The following REP15 variants were observed in gnomAD, a reference collection of about 807,000 sequenced individuals.
The protein encoded by REP15 is RAB15 effector protein.
In REP15, 1 loss-of-function variant was observed where a neutral mutation model predicts 1.1. The observed-to-expected ratio is 0.89, with a 90% CI of 0.32 to 4.24. The LOEUF is 4.24. REP15 is among the 30% of genes most tolerant of loss of function. The pLI is 0.17. For synonymous variants in REP15, 100 were observed against 99.7 expected (o/e 1.00, Z -0.02); for missense variants, 246 against 271.9 (o/e 0.90, Z 0.67).
chr12:27,697,349 C>A lies in REP15; in HGVS notation c.*76C>A. ...TCTAATAAGCAAGCTCACCTATTTGCATCATTCCAGCATGGGATTTTTTTT... is the reference window on the plus strand; with the variant it reads ...TCTAATAAGCAAGCTCACCTATTTGAATCATTCCAGCATGGGATTTTTTTT... On this transcript the variant is annotated 3_prime_UTR_variant, in exon 1 of 1. Coordinates refer to ENST00000310791, the MANE Select transcript of REP15 (RefSeq NM_001029874.3). 2 of 862,974 alleles carry A rather than the reference C, an allele frequency of 2.3e-6. No individual in the cohort carries two copies. The highest frequency in any genetic ancestry group is 3.7e-6 in the Non-Finnish European group (2 of 545,586). The allele number at this position is 862,974 out of a possible 1,614,324, so 53.5% of individuals were successfully genotyped here.
rs777655196 is a variant in REP15, at chr12:27,696,946, T to A, written c.384T>A (p.Leu128=). ...CTGTGGAATCTAAGCCTTGTGACCT[T>A]TCCAATCCAGAATCAAGGGTAGAGG... is the stretch of plus-strand genomic sequence containing the variant. ...PPPVESKPCD[L]SNPESRVEES... is the part of the protein sequence containing the mutation. The change falls in exon 1 of 1, where the codon CTT becomes CTA. Residue 128 remains leucine, a synonymous_variant. Coordinates refer to ENST00000310791, the MANE Select transcript of REP15 (RefSeq NM_001029874.3). 2.5e-6 allele frequency: 4 copies of A among 1,614,196 alleles called. No individual in the cohort carries two copies. Among genetic ancestry groups the A allele is most frequent in the Non-Finnish European group, 3.4e-6 (4 of 1,180,024 alleles).
rs1345410570 is a variant in REP15, at chr12:27,697,127, A to C, written c.565A>C (p.Arg189=). 1 of 1,613,820 alleles carries C rather than the reference A, an allele frequency of 6.2e-7. No homozygotes were observed. The highest frequency in any genetic ancestry group is 2.2e-5 in the East Asian group (1 of 44,894). ...VLDSVKSQMV[R]SHLPGGKAVA... ...GGACAGTGTCAAAAGTCAGATGGTG[A>C]GGAGCCATCTGCCAGGAGGGAAGGC... Residue 189 remains arginine, a synonymous_variant, in exon 1 of 1, where the codon AGG becomes CGG. Transcript: ENST00000310791.
In REP15 at chr12:27,696,545, T is replaced by C; in HGVS notation, c.-18T>C. 6.4e-7 allele frequency: 1 copy of C among 1,573,942 alleles called. No homozygotes were observed. Among genetic ancestry groups the C allele is most frequent in the Non-Finnish European group, 8.7e-7 (1 of 1,150,918 alleles). ...GTCTGAACCAGATTCACATGTTTGA[T>C]ATTTGGATGCAGAGAAAATGGGGCA... is the stretch of plus-strand genomic sequence containing the variant. On this transcript the variant is annotated 5_prime_UTR_variant, in exon 1 of 1. Transcript: ENST00000310791.
chr12:27,696,850 C>CT lies in REP15; in HGVS notation c.292dup (p.Trp98LeufsTer27), dbSNP rs755091811. On this transcript the variant is annotated frameshift_variant, in exon 1 of 1. Coordinates refer to ENST00000310791, the MANE Select transcript of REP15 (RefSeq NM_001029874.3). LOFTEE classifies it low-confidence loss of function (END_TRUNC). ...TGTTTGGTGCAGACTGGATTTGGACCTTTTGGGGATCCAACAAGCAAATAA... is the reference window on the plus strand; with the variant it reads ...TGTTTGGTGCAGACTGGATTTGGACCTTTTTGGGGATCCAACAAGCAAATAA... 6.2e-7 allele frequency: 1 copy of CT among 1,614,018 alleles called. No homozygotes were observed. The highest frequency in any genetic ancestry group is 1.1e-5 in the South Asian group (1 of 91,072).
chr12:27,696,734 ATCT>A lies in REP15; in HGVS notation c.177_179del (p.Phe59del), dbSNP rs758634910. The A allele has an allele frequency of 5.0e-6, 8 of 1,614,062 alleles. No homozygotes were observed. The highest frequency in any genetic ancestry group is 6.8e-6 in the Non-Finnish European group (8 of 1,180,048). On this transcript the variant is annotated inframe_deletion, in exon 1 of 1. Coordinates refer to ENST00000310791, the MANE Select transcript of REP15 (RefSeq NM_001029874.3). Reference sequence around the variant, plus strand: ...CCCAGCTGCAAATACTCTGAATGAGATCTTCTTAATCCATTTCATCACTTTCTG... The same window carrying A: ...CCCAGCTGCAAATACTCTGAATGAGATCTTAATCCATTTCATCACTTTCTG...
In REP15 at chr12:27,696,501, T is replaced by C. The variant is rs539817920; in HGVS notation, c.-62T>C. On this transcript the variant is annotated 5_prime_UTR_variant, in exon 1 of 1. Transcript: ENST00000310791. ...AGATGTGGCCTCCCTGCAGAACTTT[T>C]ACTTTGAAAAAGAAGTACGTCTGAA... 19 of 1,362,280 alleles carry C rather than the reference T, an allele frequency of 1.4e-5. No individual in the cohort carries two copies. In the Admixed American group the frequency reaches 4.2e-4, roughly 30 times the overall value. 84.4% of individuals were successfully genotyped at this position (1,362,280 alleles called of 1,614,324 possible).
rs181079535 is a variant in REP15 at position 27,696,823 on chromosome 12, C to G, written c.261C>G (p.Phe87Leu). The G allele has an allele frequency of 7.4e-6, 12 of 1,614,052 alleles. No individual in the cohort carries two copies. The East Asian group carries it at 2.7e-4, about 36-fold the overall frequency. Residue 87 changes from phenylalanine (F) to leucine (L), a missense_variant, in exon 1 of 1, where the codon TTC becomes TTG. By Grantham distance (22) the Phe-to-Leu change is conservative. Coordinates refer to ENST00000310791, the MANE Select transcript of REP15 (RefSeq NM_001029874.3). ...TTTKMTKHQAFLFGADWIWTF... is the reference protein window; with the variant it reads ...TTTKMTKHQALLFGADWIWTF... ...CCAAGATGACCAAGCACCAAGCCTT[C>G]CTGTTTGGTGCAGACTGGATTTGGA...
chr12:27,696,888 C>T lies in REP15; in HGVS notation c.326C>T (p.Ala109Val), dbSNP rs201835795. The change falls in exon 1 of 1, where the codon GCA (alanine) becomes GTA (valine). Residue 109 changes from alanine to valine, a missense_variant. Physicochemically the swap from Ala to Val is moderately conservative, Grantham distance 64 (BLOSUM62 0). Coordinates refer to ENST00000310791, the MANE Select transcript of REP15 (RefSeq NM_001029874.3). ...AACAAGCAAATAAAGCTTCAGCTCG[C>T]AGTACAGACTCTGCAGATGTCTTCA... ...GSNKQIKLQL[A>V]VQTLQMSSPP... 1 of 1,614,062 alleles carries T rather than the reference C, an allele frequency of 6.2e-7. No individual in the cohort carries two copies. The highest frequency in any genetic ancestry group is 8.5e-7 in the Non-Finnish European group (1 of 1,179,950).
rs1370390616 is a variant in REP15, at chr12:27,697,042, G to C, written c.480G>C (p.Leu160=). The part of the protein sequence containing the change: ...EFCNLIGEDC[L]GLFIIFGMPG... The stretch of plus-strand genomic sequence containing the variant: ...GTAACTTAATAGGAGAGGATTGCCT[G>C]GGTCTGTTTATCATCTTTGGTATGC... The change falls in exon 1 of 1, where the codon CTG becomes CTC. Residue 160 remains leucine (L), a synonymous_variant. Coordinates refer to ENST00000310791, the MANE Select transcript of REP15 (RefSeq NM_001029874.3). The C allele has an allele frequency of 6.2e-7, 1 of 1,613,932 alleles. No individual in the cohort carries two copies.
rs989771329 is a variant in REP15 at position 27,697,543 on chromosome 12, A to C, written c.*270A>C. ...TATTTCATTCACTTATTCAATAATA[A>C]AAATGGAAGAGAGATAATAAAGTCA... On this transcript the variant is annotated 3_prime_UTR_variant, in exon 1 of 1. Transcript: ENST00000310791. The C allele has an allele frequency of 3.5e-6, 1 of 286,364 alleles. No homozygotes were observed. The highest frequency in any genetic ancestry group is 6.9e-6 in the Non-Finnish European group (1 of 145,224). 17.7% of individuals were successfully genotyped at this position (286,364 alleles called of 1,614,324 possible).
rs1163937328 is a variant in REP15, at chr12:27,696,772, G to T, written c.210G>T (p.Lys70Asn). 1 of 1,614,052 alleles carries T rather than the reference G, an allele frequency of 6.2e-7. No homozygotes were observed. Among genetic ancestry groups the T allele is most frequent in the South Asian group, 1.1e-5 (1 of 91,062 alleles). ...ATTTCATCACTTTCTGCCAAGAAAA[G>T]GGAGTTGATGAGTGGCTGACCACCA... ...LIHFITFCQE[K>N]GVDEWLTTTK... The change falls in exon 1 of 1, where the codon AAG becomes AAT. Residue 70 changes from lysine (K) to asparagine (N), a missense_variant. Coordinates refer to ENST00000310791, the MANE Select transcript of REP15 (RefSeq NM_001029874.3).
chr12:27,697,490 G>A lies in REP15; in HGVS notation c.*217G>A. ...TGGCTCTGCCTATGATTTAAAAACA[G>A]TTCAGGAAAAGTTATAATTTAGTTT... On this transcript the variant is annotated 3_prime_UTR_variant, in exon 1 of 1. Coordinates refer to ENST00000310791, the MANE Select transcript of REP15 (RefSeq NM_001029874.3). 1 of 399,104 alleles carries A rather than the reference G, an allele frequency of 2.5e-6. No homozygotes were observed. Among genetic ancestry groups the A allele is most frequent in the Non-Finnish European group, 4.6e-6 (1 of 216,284 alleles). 24.7% of individuals were successfully genotyped at this position (399,104 alleles called of 1,614,324 possible).
rs369463694 is a variant in REP15, at chr12:27,697,185, G to A, written c.623G>A (p.Cys208Tyr). ...CAGTTTGTCCTGGAAACTGAAGATTGTGTGTTCATCAAAGAGCTGCTCAGA... is the reference window on the plus strand; with the variant it reads ...CAGTTTGTCCTGGAAACTGAAGATTATGTGTTCATCAAAGAGCTGCTCAGA... ...VAQFVLETED[C>Y]VFIKELLRNC... is the part of the protein sequence containing the mutation. Residue 208 changes from cysteine to tyrosine, a missense_variant, in exon 1 of 1, where the codon TGT becomes TAT. By Grantham distance (194) the Cys-to-Tyr change is radical (BLOSUM62 -2). Transcript: ENST00000310791. The A allele has an allele frequency of 1.9e-6, 3 of 1,614,134 alleles. No homozygotes were observed. The Admixed American group carries it at 5.0e-5, about 27-fold the overall frequency.
chr12:27,697,195 C>T lies in REP15; in HGVS notation c.633C>T (p.Ile211=). ...FVLETEDCVF[I]KELLRNCLSK... ...TGGAAACTGAAGATTGTGTGTTCAT[C>T]AAAGAGCTGCTCAGAAATTGTCTGA... The change falls in exon 1 of 1, where the codon ATC becomes ATT. Residue 211 remains isoleucine, a synonymous_variant. Transcript: ENST00000310791. 6.2e-7 allele frequency: 1 copy of T among 1,614,104 alleles called. No homozygotes were observed. Among genetic ancestry groups the T allele is most frequent in the Non-Finnish European group, 8.5e-7 (1 of 1,180,000 alleles).
rs1331647796 is a variant in REP15 at position 27,696,724 on chromosome 12, T to A, written c.162T>A (p.Thr54=). The A allele has an allele frequency of 6.2e-7, 1 of 1,614,232 alleles. No individual in the cohort carries two copies. The change falls in exon 1 of 1, where the codon ACT becomes ACA. Residue 54 remains threonine, a synonymous_variant. Transcript: ENST00000310791. The part of the protein sequence containing the change: ...PPSKLCPAAN[T]LNEIFLIHFI... ...GTAAACTCTGCCCAGCTGCAAATAC[T>A]CTGAATGAGATCTTCTTAATCCATT...
At position 27,697,508 on chromosome 12, in the gene REP15, T is replaced by C; in HGVS notation, c.*235T>C. On this transcript the variant is annotated 3_prime_UTR_variant, in exon 1 of 1. Coordinates refer to ENST00000310791, the MANE Select transcript of REP15 (RefSeq NM_001029874.3). ...AAAAACAGTTCAGGAAAAGTTATAA[T>C]TTAGTTTAATATTTCATTCACTTAT... is the stretch of plus-strand genomic sequence containing the variant. 1 of 364,584 alleles carries C rather than the reference T, an allele frequency of 2.7e-6. No homozygotes were observed. Among genetic ancestry groups the C allele is most frequent in the Non-Finnish European group, 5.1e-6 (1 of 194,582 alleles). 22.6% of individuals were successfully genotyped at this position (364,584 alleles called of 1,614,324 possible).
rs1470302443 is a variant in REP15, at chr12:27,696,994, AT to A, written c.435del (p.Phe145LeufsTer10). On this transcript the variant is annotated frameshift_variant, in exon 1 of 1. Coordinates refer to ENST00000310791, the MANE Select transcript of REP15 (RefSeq NM_001029874.3). LOFTEE classifies it low-confidence loss of function (END_TRUNC). ...AGGAGTCTTCCTGGAAGAAAAGTAGATTTGATAAGCTGGAAGAATTCTGTAA... is the reference window on the plus strand; with the variant it reads ...AGGAGTCTTCCTGGAAGAAAAGTAGATTGATAAGCTGGAAGAATTCTGTAA... ...VEESSWKKSR[F>X]DKLEEFCNLI... is the part of the protein sequence containing the mutation. 1.9e-6 allele frequency: 3 copies of A among 1,614,018 alleles called. No individual in the cohort carries two copies. The highest frequency in any genetic ancestry group is 2.5e-6 in the Non-Finnish European group (3 of 1,180,010).
Position 27,696,752 on chromosome 12 carries a change from A to T in REP15, c.190A>T (p.Ile64Phe). The stretch of plus-strand genomic sequence containing the variant: ...GAATGAGATCTTCTTAATCCATTTC[A>T]TCACTTTCTGCCAAGAAAAGGGAGT... ...TLNEIFLIHF[I>F]TFCQEKGVDE... Residue 64 changes from isoleucine to phenylalanine, a missense_variant, in exon 1 of 1, where the codon ATC becomes TTC. Coordinates refer to ENST00000310791, the MANE Select transcript of REP15 (RefSeq NM_001029874.3). 6.2e-7 allele frequency: 1 copy of T among 1,614,180 alleles called. No homozygotes were observed. Among genetic ancestry groups the T allele is most frequent in the South Asian group, 1.1e-5 (1 of 91,082 alleles).
At position 27,696,619 on chromosome 12, in the gene REP15, C is replaced by A; in HGVS notation, c.57C>A (p.Val19=). ...TGAAGGACAGCAAAGAGGTGCCCGT[C>A]GTCTGTGAGGTGGTCAGTGAAGCTA... is the stretch of plus-strand genomic sequence containing the variant. ...LALKDSKEVP[V]VCEVVSEAIV... is the part of the protein sequence containing the mutation. Residue 19 remains valine (V), a synonymous_variant, in exon 1 of 1, where the codon GTC becomes GTA. Transcript: ENST00000310791. 2 of 1,612,998 alleles carry A rather than the reference C, an allele frequency of 1.2e-6. No homozygotes were observed. Among genetic ancestry groups the A allele is most frequent in the South Asian group, 2.2e-5 (2 of 90,934 alleles).
Sources: gnomAD v4.1 joint callset for allele counts on GRCh38, gnomAD v4.1.1 for gene constraint, MANE v1.5 for transcripts, NCBI Gene and HGNC (gene_info 2026-07-23, HGNC 2026-07-21) for gene names.